Variants in SV2B observed in about 807,000 individuals in gnomAD.
SV2B encodes solute carrier family 22 member B2.
A neutral mutation model predicts 73.9 loss-of-function variants in SV2B; 41 were observed. The ratio of observed to expected loss-of-function variants is 0.56; its 90% CI spans 0.43 to 0.72. SV2B has a LOEUF of 0.72. SV2B is among the 30% of genes least tolerant of loss of function. The pLI is 0.00. For missense variants in SV2B, 764 were observed against 857.8 expected (o/e 0.89, Z 1.37); for synonymous variants, 314 against 314.2 (o/e 1.00, Z 0.01).
Position 91,299,851 on chromosome 15 carries a change from GC to G in SV2B, c.*7301del, listed in dbSNP as rs1481846370. On this transcript the variant is annotated 3_prime_UTR_variant, in exon 13 of 13. Coordinates refer to ENST00000394232, the MANE Select transcript of SV2B (RefSeq NM_001323032.3). The stretch of plus-strand genomic sequence containing the variant: ...GTAGAGACGGGGTTTCGCCATGTTG[GC>G]CAGGCTCGTCTCGAACTCCTGGCCT... 6.6e-6 allele frequency: 1 copy of G among 152,068 alleles called. No homozygotes were observed. The highest frequency in any genetic ancestry group is 1.5e-5 in the Non-Finnish European group (1 of 68,042). 9.4% of individuals were successfully genotyped at this position (152,068 alleles called of 1,614,324 possible).
chr15:91,109,263 G>A (rs943367365), intron 1 of SV2B, among the ~76,000 whole-genome samples: 3 of 152,230 alleles, frequency 2.0e-5, no homozygotes, highest in Admixed American at 6.5e-5. Flanking sequence ...GACCGCTGGG[G>A]CCTTCTTGAA....
At chr15:91,195,080 T>A (rs1211505265) in intron 1 of SV2B, among the ~76,000 whole-genome samples, 2 of 152,136 alleles carry the variant, frequency 1.3e-5, no homozygotes, top group Non-Finnish European at 2.9e-5. Flanking sequence ...CATAGGGGCT[T>A]CTTGTTACCA....
chr15:91,220,973 C>T lies in SV2B; in HGVS notation c.-391-4900C>T, dbSNP rs1337470460. On this transcript the variant is annotated intron_variant, in intron 1 of 12. Coordinates refer to ENST00000394232, the MANE Select transcript of SV2B (RefSeq NM_001323032.3). This position sits in a 1 kb window ranked among gnomAD's most constrained non-coding sequence, Gnocchi z 4.1. Reference sequence around the variant, plus strand: ...CCGCCTCCTGGGATCAAGTGATCTTCCTTCCTCTGCCTCCTGAGGAGCTGG... The same window carrying T: ...CCGCCTCCTGGGATCAAGTGATCTTTCTTCCTCTGCCTCCTGAGGAGCTGG... Among the ~76,000 whole-genome samples, 1 of 152,128 alleles carries T rather than the reference C, an allele frequency of 6.6e-6. No homozygotes were observed. Among genetic ancestry groups the T allele is most frequent in the Non-Finnish European group, 1.5e-5 (1 of 68,038 alleles).
At chr15:91,216,239 G>T (rs1047777672) in intron 1 of SV2B, among the ~76,000 whole-genome samples, 2 of 152,116 alleles carry the variant, frequency 1.3e-5, no homozygotes, top group Admixed American at 1.3e-4. Flanking sequence ...ACATCAAGCA[G>T]GGTATTTCAG....
intron 1 of SV2B, among the ~76,000 whole-genome samples, chr15:91,191,572 C>T (rs1054908203): frequency 1.3e-5 from 2 of 152,088 alleles, no homozygotes; most frequent in African/African-American, 4.8e-5. Flanking sequence ...GCTGTAAATC[C>T]CAAGGTGTCT....
intron 1 of SV2B, among the ~76,000 whole-genome samples, chr15:91,127,456 GC>G (rs1191106235): frequency 4.6e-5 from 7 of 151,954 alleles, no homozygotes; most frequent in Admixed American, 1.3e-4. Flanking sequence ...TGTTCTCCAA[GC>G]CCCCGCACTG....
intron 2 of SV2B, among the ~76,000 whole-genome samples, chr15:91,235,922 C>A (rs3784773): frequency 0.39 from 59,987 of 151,922 alleles, 16,432 homozygotes; most frequent in African/African-American, 0.79. Context: ...GAGAGAAGAC[C>A]GGGCAGTAGA....
At chr15:91,144,113 T>A (rs1439967956) in intron 1 of SV2B, among the ~76,000 whole-genome samples, 1 of 152,250 alleles carries the variant, frequency 6.6e-6, no homozygotes, top group Non-Finnish European at 1.5e-5. Flanking sequence ...CTAGTAGTAC[T>A]TGTTGGTGAT....
intron 1 of SV2B, among the ~76,000 whole-genome samples, chr15:91,173,455 C>A (rs2044194964): frequency 6.6e-6 from 1 of 152,152 alleles, no homozygotes; most frequent in Admixed American, 6.5e-5. Flanking sequence ...AAAGCCAAAC[C>A]AGGAGCACTG....
Position 91,105,173 on chromosome 15 carries a change from T to G in SV2B, c.-392+4810T>G, listed in dbSNP as rs139710897. Reference sequence around the variant, plus strand: ...CATCTCATGAAGCATTCATTCTAGTTGAGGGAGACAAATAATATGTAAGTA... The same window carrying G: ...CATCTCATGAAGCATTCATTCTAGTGGAGGGAGACAAATAATATGTAAGTA... On this transcript the variant is annotated intron_variant, in intron 1 of 12. Transcript: ENST00000394232. This position sits in a 1 kb window ranked among gnomAD's most constrained non-coding sequence, Gnocchi z 5.5. Among the ~76,000 whole-genome samples, 418 of 152,302 alleles carry G rather than the reference T, an allele frequency of 2.7e-3. 1 individual carries two copies. The highest frequency in any genetic ancestry group is 9.7e-3 in the African/African-American group (402 of 41,566).
In SV2B at chr15:91,118,889, C is replaced by T. The variant is rs1275031634; in HGVS notation, c.-392+18526C>T. Reference sequence around the variant, plus strand: ...TTCATAGCTTCTTGCCTCCTCTCATCGGCTCTGTGTGGAGACTTGCAATAC... The same window carrying T: ...TTCATAGCTTCTTGCCTCCTCTCATTGGCTCTGTGTGGAGACTTGCAATAC... On this transcript the variant is annotated intron_variant, in intron 1 of 12. Transcript: ENST00000394232. This position sits in a 1 kb window ranked among gnomAD's most constrained non-coding sequence, Gnocchi z 4.7. Among the ~76,000 whole-genome samples the T allele has an allele frequency of 1.3e-5, 2 of 152,222 alleles. No homozygotes were observed. The highest frequency in any genetic ancestry group is 2.4e-5 in the African/African-American group (1 of 41,460).
Position 91,300,207 on chromosome 15 carries a change from T to C in SV2B, c.*7655T>C, listed in dbSNP as rs1270805750. ...ATGGGCCAAACATTAAAATAACTTA[T>C]CCATGAATTTCAGGTTTCAAGGAAG... On this transcript the variant is annotated 3_prime_UTR_variant, in exon 13 of 13. Coordinates refer to ENST00000394232, the MANE Select transcript of SV2B (RefSeq NM_001323032.3). The C allele has an allele frequency of 6.6e-6, 1 of 152,204 alleles. No individual in the cohort carries two copies. Among genetic ancestry groups the C allele is most frequent in the Non-Finnish European group, 1.5e-5 (1 of 68,038 alleles). 9.4% of individuals were successfully genotyped at this position (152,204 alleles called of 1,614,324 possible).
At chr15:91,161,590 C>T (rs2043719777) in intron 1 of SV2B, among the ~76,000 whole-genome samples, 2 of 152,278 alleles carry the variant, frequency 1.3e-5, no homozygotes, top group East Asian at 1.9e-4. Context: ...ATTTATTTCT[C>T]ACAACAACAC....
intron 2 of SV2B, among the ~76,000 whole-genome samples, chr15:91,237,526 A>T (rs1201703349): frequency 6.6e-6 from 1 of 152,252 alleles, no homozygotes; most frequent in East Asian, 1.9e-4. Flanking sequence ...GTGCTCTGGA[A>T]TAACTAAGCC....
intron 1 of SV2B, 143 bp from the exon 2 acceptor site, chr15:91,225,730 A>G (rs1418828177): frequency 6.3e-6 from 1 of 157,592 alleles, no homozygotes; most frequent in Non-Finnish European, 1.4e-5. Flanking sequence ...TTCAGTTGAT[A>G]GAAATTTGAA....
chr15:91,224,127 G>A lies in SV2B; in HGVS notation c.-391-1746G>A, dbSNP rs889408017. On this transcript the variant is annotated intron_variant, in intron 1 of 12. Transcript: ENST00000394232. The surrounding 1 kb of genome is among the most constrained non-coding windows in gnomAD (Gnocchi z 4.9). ...AGACCAGGAGGGCCAGGAAGCAGGT[G>A]TGGGGCAGAGGGCCCAGGGATGGGC... Among the ~76,000 whole-genome samples the A allele has an allele frequency of 1.4e-4, 22 of 152,370 alleles. No homozygotes were observed. The highest frequency in any genetic ancestry group is 2.6e-4 in the African/African-American group (11 of 41,588).
intron 1 of SV2B, among the ~76,000 whole-genome samples, chr15:91,120,004 T>C (rs1032727192): frequency 1.3e-5 from 2 of 152,268 alleles, no homozygotes; most frequent in African/African-American, 4.8e-5. Flanking sequence ...GAAATACTTA[T>C]AAGAAATATT....
intron 7 of SV2B, 153 bp downstream of exon 7, chr15:91,266,845 C>T: frequency 1.8e-6 from 1 of 563,126 alleles, no homozygotes; most frequent in South Asian, 2.5e-5. Context: ...GGGCTCCAGC[C>T]CACGTCTGCC....
intron 5 of SV2B, 145 bp from the exon 6 acceptor site, chr15:91,260,175 T>C (rs2047857347): frequency 1.6e-6 from 1 of 624,662 alleles, no homozygotes; most frequent in Non-Finnish European, 2.8e-6. Context: ...TCCTAGATGG[T>C]AATGAGTCCA....
Sources: allele counts gnomAD v4.1 joint callset (sites outside exome capture counted in the v4.1 genomes callset), GRCh38; gene constraint gnomAD v4.1.1; non-coding constraint Gnocchi (gnomAD v3.1); transcripts MANE v1.5; gene names NCBI Gene and HGNC (gene_info 2026-07-23, HGNC 2026-07-21).